The following GALNTL6 variants were observed in gnomAD, a reference collection of about 807,000 sequenced individuals.
The protein encoded by GALNTL6 is polypeptide N-acetylgalactosaminyltransferase like 6, also known as polypeptide N-acetylgalactosaminyltransferase-like 6.
Under a neutral mutation model 73.7 loss-of-function variants are expected in GALNTL6, and 46 were observed. The ratio of observed to expected loss-of-function variants is 0.62; its 90% CI spans 0.49 to 0.80. The LOEUF (loss-of-function observed/expected upper bound fraction) is 0.80. Among genes scored for constraint, GALNTL6 ranks in the 30% least tolerant of loss-of-function variants. The pLI is 0.00. For synonymous variants in GALNTL6, 259 were observed against 263.7 expected, an observed-to-expected ratio of 0.98 and a Z score of 0.17; for missense variants, 604 against 755.0, an observed-to-expected ratio of 0.80 and a Z score of 2.34.
At chr4:172,689,918 A>G (rs77834081) in intron 5 of GALNTL6, among the ~76,000 whole-genome samples, 1 of 152,202 alleles carries the variant, frequency 6.6e-6, no homozygotes, top group Non-Finnish European at 1.5e-5. Context: ...AAAAAAAATC[A>G]AAACCAGGAT....
intron 5 of GALNTL6, among the ~76,000 whole-genome samples, chr4:172,377,922 C>T (rs568643139): frequency 3.6e-4 from 54 of 152,014 alleles, no homozygotes; most frequent in South Asian, 8.3e-4. Flanking sequence ...ATGCCTCTTC[C>T]TCCACACCTC....
chr4:171,936,327 G>C lies in GALNTL6; in HGVS notation c.138+121609G>C, dbSNP rs60644396. On this transcript the variant is annotated intron_variant, in intron 2 of 12. Coordinates refer to ENST00000506823, the MANE Select transcript of GALNTL6 (RefSeq NM_001034845.3). Reference sequence around the variant, plus strand: ...TCAAAGTAGAAAGCACTGGTTCACTGGCTTAATTGGAGGTGTCCTAGAAGC... The same window carrying C: ...TCAAAGTAGAAAGCACTGGTTCACTCGCTTAATTGGAGGTGTCCTAGAAGC... 6.2e-3 allele frequency among the ~76,000 whole-genome samples: 949 copies of C among 152,206 alleles called. 11 individuals carry two copies. The highest frequency in any genetic ancestry group is 0.02 in the African/African-American group (826 of 41,544).
chr4:172,531,461 G>A (rs533104119), intron 5 of GALNTL6, among the ~76,000 whole-genome samples: 8 of 152,282 alleles, frequency 5.3e-5, no homozygotes, highest in South Asian at 2.1e-4. Flanking sequence ...CAGCTGACAC[G>A]TCCCCTGACC....
chr4:172,590,941 A>C (rs2110998983), intron 5 of GALNTL6, among the ~76,000 whole-genome samples: 1 of 152,264 alleles, frequency 6.6e-6, no homozygotes, highest in African/African-American at 2.4e-5. Context: ...ATGCTTCATA[A>C]ATTTGAGGAA....
chr4:172,223,296 T>G (rs1469932453), intron 2 of GALNTL6, among the ~76,000 whole-genome samples: 2 of 152,070 alleles, frequency 1.3e-5, no homozygotes, highest in African/African-American at 4.8e-5. Context: ...CCAAAAAAAT[T>G]TATGTTCTGA....
rs146112909 is a variant in GALNTL6, at chr4:172,616,838, A to G, written c.554-192523A>G. Among the ~76,000 whole-genome samples, 513 of 152,186 alleles carry G rather than the reference A, an allele frequency of 3.4e-3. 3 individuals carry two copies. Among genetic ancestry groups the G allele is most frequent in the African/African-American group, 0.011 (477 of 41,530 alleles). On this transcript the variant is annotated intron_variant, in intron 5 of 12. Transcript: ENST00000506823. ...GAATCTTCATGAGTTTCTTTTCATGAAGAAAAACACAGGTCTCCACCTTTC... is the reference window on the plus strand; with the variant it reads ...GAATCTTCATGAGTTTCTTTTCATGGAGAAAAACACAGGTCTCCACCTTTC...
chr4:172,568,251 G>A (rs1736629453), intron 5 of GALNTL6, among the ~76,000 whole-genome samples: 2 of 152,082 alleles, frequency 1.3e-5, no homozygotes, highest in Non-Finnish European at 2.9e-5. Context: ...TCTAAATCAT[G>A]GACAAATAAA....
chr4:172,524,331 C>T (rs1035281960), intron 5 of GALNTL6, among the ~76,000 whole-genome samples: 1 of 152,030 alleles, frequency 6.6e-6, no homozygotes, highest in African/African-American at 2.4e-5. Context: ...TCACCGCAAC[C>T]TCCGCCTCCC....
chr4:172,534,942 T>C (rs1735294621), intron 5 of GALNTL6, among the ~76,000 whole-genome samples: 1 of 152,132 alleles, frequency 6.6e-6, no homozygotes, highest in South Asian at 2.1e-4. Flanking sequence ...ACTTAATAGA[T>C]GAAGAAATGG....
chr4:171,957,484 A>G (rs1436159201), intron 2 of GALNTL6, among the ~76,000 whole-genome samples: 1 of 152,210 alleles, frequency 6.6e-6, no homozygotes, highest in Non-Finnish European at 1.5e-5. Context: ...TGCTGCTGAC[A>G]TCTATGAAAA....
intron 8 of GALNTL6, among the ~76,000 whole-genome samples, chr4:172,927,696 C>T (rs1019492297): frequency 1.3e-5 from 2 of 151,902 alleles, no homozygotes; most frequent in African/African-American, 2.4e-5. Flanking sequence ...AGGTATTTAC[C>T]CAATGCATGA....
intron 2 of GALNTL6, among the ~76,000 whole-genome samples, chr4:172,078,647 G>GA (rs1731784527): frequency 6.6e-6 from 1 of 152,172 alleles, no homozygotes; most frequent in Admixed American, 6.5e-5. Context: ...GAGTAAACTT[G>GA]AAAAGCCTGA....
intron 5 of GALNTL6, among the ~76,000 whole-genome samples, chr4:172,532,666 C>A (rs1735204980): frequency 6.6e-6 from 1 of 152,166 alleles, no homozygotes; most frequent in Non-Finnish European, 1.5e-5. Context: ...CAAGTAGTTA[C>A]TTCATGTTTG....
intron 8 of GALNTL6, among the ~76,000 whole-genome samples, chr4:172,919,917 A>T (rs1747713869): frequency 6.6e-6 from 1 of 152,162 alleles, no homozygotes; most frequent in African/African-American, 2.4e-5. Context: ...CCCGCCCCCA[A>T]ATCGCTGTTT....
intron 5 of GALNTL6, among the ~76,000 whole-genome samples, chr4:172,587,005 A>G (rs1206373294): frequency 2.0e-5 from 3 of 152,204 alleles, no homozygotes; most frequent in African/African-American, 7.2e-5. Context: ...TGATTTTGAT[A>G]CGCTACAAGG....
chr4:172,657,093 G>A (rs2111167002), intron 5 of GALNTL6, among the ~76,000 whole-genome samples: 1 of 152,284 alleles, frequency 6.6e-6, no homozygotes, highest in Non-Finnish European at 1.5e-5. Flanking sequence ...TTTCACTGTG[G>A]ACTTGTTAAC....
intron 2 of GALNTL6, among the ~76,000 whole-genome samples, chr4:172,221,808 G>A (rs1242002665): frequency 2.0e-5 from 3 of 151,752 alleles, no homozygotes; most frequent in Non-Finnish European, 4.4e-5. Context: ...TACATCATAT[G>A]CTTAGATGGA....
At chr4:172,900,120 G>T (rs1746544235) in intron 8 of GALNTL6, among the ~76,000 whole-genome samples, 1 of 152,286 alleles carries the variant, frequency 6.6e-6, no homozygotes, top group Admixed American at 6.5e-5. Flanking sequence ...AGATGGAGTT[G>T]TTCTGGTTAA....
At chr4:171,845,525 T>C (rs1227646009) in intron 2 of GALNTL6, among the ~76,000 whole-genome samples, 2 of 152,192 alleles carry the variant, frequency 1.3e-5, no homozygotes, top group African/African-American at 2.4e-5. Flanking sequence ...TGGATGTAAA[T>C]GTGGTCCTAA....
Sources: gnomAD v4.1 joint callset for allele counts (sites outside exome capture counted in the v4.1 genomes callset) on GRCh38, gnomAD v4.1.1 for gene constraint, MANE v1.5 for transcripts, NCBI Gene and HGNC (gene_info 2026-07-23, HGNC 2026-07-21) for gene names.